The following ATRNL1 variants were observed in gnomAD, a reference collection of about 807,000 sequenced individuals.
ATRNL1 encodes the protein attractin like 1, also known as attractin-like protein 1.
In ATRNL1, 95 loss-of-function variants were observed where a neutral mutation model predicts 182.7. The ratio of observed to expected loss-of-function variants is 0.52; its 90% CI spans 0.44 to 0.62. The LOEUF (loss-of-function observed/expected upper bound fraction) is 0.62. Among genes scored for constraint, ATRNL1 ranks in the 20% least tolerant of loss-of-function variants. The probability of loss-of-function intolerance (pLI) is 0.00; values close to 1 mark genes in which losing one functional copy is unlikely to be tolerated. For missense variants in ATRNL1, 1,471 were observed against 1,679.5 expected (o/e 0.88, Z 2.17); for synonymous variants, 576 against 568.3 (o/e 1.01, Z -0.19).
intron 18 of ATRNL1, among the ~76,000 whole-genome samples, chr10:115,332,436 C>G (rs1241332887): frequency 1.3e-5 from 2 of 152,152 alleles, no homozygotes; most frequent in Admixed American, 6.5e-5. Context: ...GCTGTTTGCT[C>G]TGCTTCCTTG....
chr10:115,288,343 C>T lies in ATRNL1; in HGVS notation c.2415+1946C>T, dbSNP rs182322262. On this transcript the variant is annotated intron_variant, in intron 15 of 28. Transcript: ENST00000355044. ...GGGGCTGTACTAATTTACATTCCCACCAACAACGTATAAGAATTCCCTTTT... is the reference window on the plus strand; with the variant it reads ...GGGGCTGTACTAATTTACATTCCCATCAACAACGTATAAGAATTCCCTTTT... Among the ~76,000 whole-genome samples, 138 of 152,220 alleles carry T rather than the reference C, an allele frequency of 9.1e-4. 2 individuals are homozygous for T. The highest frequency in any genetic ancestry group is 9.0e-3 in the Admixed American group (137 of 15,292).
intron 27 of ATRNL1, among the ~76,000 whole-genome samples, chr10:115,846,366 G>A (rs1436488510): frequency 2.0e-5 from 3 of 151,852 alleles, no homozygotes; most frequent in South Asian, 2.1e-4. Context: ...AAGAAAGCAG[G>A]CATATTTTAT....
At chr10:115,536,514 C>T (rs1002261402) in intron 25 of ATRNL1, among the ~76,000 whole-genome samples, 82 of 152,334 alleles carry the variant, frequency 5.4e-4, no homozygotes, top group Non-Finnish European at 1.1e-3. Context: ...TGCCGTCTGT[C>T]ACCCCTTTCT....
intron 27 of ATRNL1, among the ~76,000 whole-genome samples, chr10:115,769,057 A>T (rs1948925062): frequency 6.6e-6 from 1 of 152,174 alleles, no homozygotes; most frequent in South Asian, 2.1e-4. Context: ...AAAACAATAA[A>T]AAAGGAATTA....
At chr10:115,443,991 A>G (rs929218407) in intron 21 of ATRNL1, among the ~76,000 whole-genome samples, 1 of 152,154 alleles carries the variant, frequency 6.6e-6, no homozygotes, top group Non-Finnish European at 1.5e-5. Flanking sequence ...AAAATTAAAC[A>G]TACCTCTTTA....
intron 3 of ATRNL1, among the ~76,000 whole-genome samples, chr10:115,124,810 T>C (rs1844894436): frequency 6.6e-6 from 1 of 152,182 alleles, no homozygotes; most frequent in Non-Finnish European, 1.5e-5. Context: ...TTAGAGGTTA[T>C]GTCCCAAGAA....
At chr10:115,204,975 A>T (rs1848741009) in intron 8 of ATRNL1, among the ~76,000 whole-genome samples, 1 of 152,046 alleles carries the variant, frequency 6.6e-6, no homozygotes, top group African/African-American at 2.4e-5. Context: ...TATAGTTGTA[A>T]TGCTCTTTTA....
intron 26 of ATRNL1, among the ~76,000 whole-genome samples, chr10:115,656,822 C>T (rs12255030): frequency 0.012 from 1,776 of 152,218 alleles, 35 homozygotes; most frequent in African/African-American, 0.04. Flanking sequence ...TTCCTTGATA[C>T]ATCCTACCAC....
At chr10:115,856,311 C>G (rs1162103194) in intron 28 of ATRNL1, among the ~76,000 whole-genome samples, 1 of 151,504 alleles carries the variant, frequency 6.6e-6, no homozygotes, top group African/African-American at 2.4e-5. Flanking sequence ...GCCCGTAATC[C>G]CAGCTACTGG....
chr10:115,259,847 A>G (rs1554908302), intron 10 of ATRNL1, among the ~76,000 whole-genome samples: 2 of 152,194 alleles, frequency 1.3e-5, no homozygotes, highest in Admixed American at 1.3e-4. Context: ...CCAGAAACAC[A>G]GATATTCCAG....
chr10:115,271,226 G>A lies in ATRNL1; in HGVS notation c.2100+2782G>A, dbSNP rs1426842238. Among the ~76,000 whole-genome samples the A allele has an allele frequency of 2.0e-5, 3 of 150,500 alleles. No individual in the cohort carries two copies. In the East Asian group the frequency reaches 5.8e-4, roughly 29 times the overall value. On this transcript the variant is annotated intron_variant, in intron 13 of 28. Coordinates refer to ENST00000355044, the MANE Select transcript of ATRNL1 (RefSeq NM_207303.4). ...GATGTATTCTTAGCAAAATGAGGAG[G>A]AAATACAGTCCTTATTTCTGTAAGT... is the stretch of plus-strand genomic sequence containing the variant.
rs149745995 is a variant in ATRNL1 at position 115,374,265 on chromosome 10, A to C, written c.3176-20394A>C. On this transcript the variant is annotated intron_variant, in intron 19 of 28. Transcript: ENST00000355044. ...TTCTTAGTTTAGTTAATGGTTTGTCAATTTTGTTTATCTTTTCAAAGGAAA... is the reference window on the plus strand; with the variant it reads ...TTCTTAGTTTAGTTAATGGTTTGTCCATTTTGTTTATCTTTTCAAAGGAAA... 5.9e-5 allele frequency among the ~76,000 whole-genome samples: 9 copies of C among 151,442 alleles called. No individual in the cohort carries two copies. In the East Asian group the frequency reaches 1.7e-3, roughly 29 times the overall value.
chr10:115,286,855 C>G (rs116268171), intron 15 of ATRNL1, among the ~76,000 whole-genome samples: 1,786 of 151,692 alleles, frequency 0.012, 34 homozygotes, highest in African/African-American at 0.04. Flanking sequence ...TTTTTTTCTT[C>G]CCATTAGTCT....
At chr10:115,356,811 T>G (rs1419748889) in intron 19 of ATRNL1, among the ~76,000 whole-genome samples, 1 of 152,014 alleles carries the variant, frequency 6.6e-6, no homozygotes, top group Non-Finnish European at 1.5e-5. Context: ...TTAGATCTGA[T>G]GTTATAGAAT....
intron 9 of ATRNL1, among the ~76,000 whole-genome samples, chr10:115,226,703 A>G (rs1849712335): frequency 6.6e-6 from 1 of 152,166 alleles, no homozygotes; most frequent in Non-Finnish European, 1.5e-5. Flanking sequence ...AGTAACCAAA[A>G]CAGCATGATA....
chr10:115,798,074 C>T (rs966025792), intron 27 of ATRNL1, among the ~76,000 whole-genome samples: 14 of 152,116 alleles, frequency 9.2e-5, no homozygotes, highest in South Asian at 2.1e-4. Flanking sequence ...CCTGCCACCA[C>T]GCCCGGCTAA....
At chr10:115,713,839 C>G (rs1322033821) in intron 26 of ATRNL1, among the ~76,000 whole-genome samples, 1 of 152,058 alleles carries the variant, frequency 6.6e-6, no homozygotes, top group Non-Finnish European at 1.5e-5. Context: ...TACACAGATA[C>G]GTTTCTCAGT....
At chr10:115,933,988 T>G (rs1208718013) in intron 28 of ATRNL1, among the ~76,000 whole-genome samples, 5 of 151,994 alleles carry the variant, frequency 3.3e-5, no homozygotes, top group Non-Finnish European at 7.4e-5. Flanking sequence ...AGTGGAGAGG[T>G]GTTGCCCGGC....
chr10:115,281,373 A>G lies in ATRNL1; in HGVS notation c.2119A>G (p.Lys707Glu). The change falls in exon 14 of 29, where the codon AAA (lysine) becomes GAA (glutamate). Residue 707 changes from lysine (K) to glutamate (E), a missense_variant. By Grantham distance (56) the Lys-to-Glu change is moderately conservative. Around this residue, in one of 3 missense-constraint regions of ATRNL1, gnomAD observed 1,031 missense variants for 1,156.0 expected, o/e 0.89. Coordinates refer to ENST00000355044, the MANE Select transcript of ATRNL1 (RefSeq NM_207303.4). ...NCSMSVKNYT[K>E]CHVRNEQICN... ...TTTGTAGTCTGTCAAGAACTACACCAAATGTCATGTGAGAAATGAGCAGAT... is the reference window on the plus strand; with the variant it reads ...TTTGTAGTCTGTCAAGAACTACACCGAATGTCATGTGAGAAATGAGCAGAT... 1 of 1,612,892 alleles carries G rather than the reference A, an allele frequency of 6.2e-7. No homozygotes were observed. Among genetic ancestry groups the G allele is most frequent in the Non-Finnish European group, 8.5e-7 (1 of 1,179,410 alleles).
Sources: gnomAD v4.1 joint callset for allele counts (sites outside exome capture counted in the v4.1 genomes callset) on GRCh38, gnomAD v4.1.1 for gene constraint, gnomAD v4.1.1 regional missense constraint, MANE v1.5 for transcripts, NCBI Gene and HGNC (gene_info 2026-07-23, HGNC 2026-07-21) for gene names.